Variants in ABR observed in about 807,000 individuals in gnomAD.
ABR encodes the protein ABR activator of RhoGEF and GTPase.
In ABR, 35 loss-of-function variants were observed where a neutral mutation model predicts 107.2. The ratio of observed to expected loss-of-function variants is 0.33; its 90% CI spans 0.25 to 0.43. ABR has a LOEUF of 0.43. Among genes scored for constraint, ABR ranks in the 20% least tolerant of loss-of-function variants. The probability of loss-of-function intolerance (pLI) is 1.00; values close to 1 mark genes in which losing one functional copy is unlikely to be tolerated. For synonymous variants in ABR, 498 were observed against 462.0 expected (o/e 1.08, Z -1.00); for missense variants, 815 against 1,115.2 (o/e 0.73, Z 3.83).
intron 1 of ABR, among the ~76,000 whole-genome samples, chr17:1,171,535 GGA>G (rs1567855523): frequency 6.6e-6 from 1 of 152,306 alleles, no homozygotes; most frequent in Non-Finnish European, 1.5e-5. Flanking sequence ...AAGACTTCCT[GGA>G]GACCCTGCTA....
chr17:1,108,979 G>C (rs1364854602), intron 2 of ABR: 2 of 1,597,772 alleles, frequency 1.3e-6, no homozygotes, highest in Non-Finnish European at 1.7e-6. Context: ...GGCTGGTCGG[G>C]GTTCCCAGCT....
At chr17:1,009,643 G>A (rs2070364714) in intron 21 of ABR, 36 bp downstream of exon 21, 1 of 1,561,110 alleles carries the variant, frequency 6.4e-7, no homozygotes, top group South Asian at 1.1e-5. Flanking sequence ...CATGAGGAGG[G>A]ACTGAGGAGG....
At chr17:1,043,246 C>A (rs1178134144) in intron 16 of ABR, among the ~76,000 whole-genome samples, 1 of 152,180 alleles carries the variant, frequency 6.6e-6, no homozygotes, top group Non-Finnish European at 1.5e-5. Context: ...TGGCTCACTG[C>A]AACCTCTGCC....
At chr17:1,185,490 C>A (rs568514268) in intron 1 of ABR, among the ~76,000 whole-genome samples, 17 of 151,678 alleles carry the variant, frequency 1.1e-4, no homozygotes, top group African/African-American at 3.9e-4. Flanking sequence ...ACTAAAAATA[C>A]AAAAATTAGC....
intron 16 of ABR, among the ~76,000 whole-genome samples, chr17:1,046,596 G>T (rs148389543): frequency 1.3e-5 from 2 of 152,162 alleles, no homozygotes; most frequent in Non-Finnish European, 2.9e-5. Flanking sequence ...CCTGCCCAGA[G>T]GACTCCAAGA....
rs1219241278 is a variant in ABR, at chr17:1,212,077, C to T, written c.838+16716G>A. On this transcript the variant is annotated intron_variant, in intron 1 of 22. Transcript: ENST00000574139. ...AGCCTAGGCGACAAGAGCAAGACCC[C>T]ATCTCGAAAAAAAAAAAAATTACTA... is the stretch of plus-strand genomic sequence containing the variant. 7.3e-5 allele frequency among the ~76,000 whole-genome samples: 3 copies of T among 41,002 alleles called. No individual in the cohort carries two copies. In the Admixed American group the frequency reaches 1.0e-3, roughly 14 times the overall value. 26.9% of individuals were successfully genotyped at this position (41,002 alleles called of 152,430 possible).
chr17:1,056,132 G>C (rs1269625966), intron 13 of ABR, 23 bp from the exon 14 acceptor site: 1 of 1,610,264 alleles, frequency 6.2e-7, no homozygotes, highest in South Asian at 1.1e-5. Context: ...AAAGCCCCCA[G>C]GGCAGAGGGT....
chr17:1,111,213 G>A (rs977888458), intron 2 of ABR, among the ~76,000 whole-genome samples: 9 of 151,936 alleles, frequency 5.9e-5, no homozygotes, highest in East Asian at 3.9e-4. Context: ...CCTCGTCCCC[G>A]TTCCCCACAC....
intron 1 of ABR, among the ~76,000 whole-genome samples, chr17:1,173,682 G>T (rs1024611297): frequency 2.0e-5 from 3 of 152,076 alleles, no homozygotes; most frequent in Non-Finnish European, 4.4e-5. Context: ...GGAGCTCAAG[G>T]AGCCAAGAAC....
intron 16 of ABR, among the ~76,000 whole-genome samples, chr17:1,014,837 C>T (rs981761135): frequency 6.6e-6 from 1 of 152,072 alleles, no homozygotes; most frequent in African/African-American, 2.4e-5. Context: ...CAGAGTGAGA[C>T]TCCGTCTCAA....
At chr17:1,123,644 G>T (rs1432731734) in intron 2 of ABR, among the ~76,000 whole-genome samples, 2 of 152,216 alleles carry the variant, frequency 1.3e-5, no homozygotes, top group African/African-American at 4.8e-5. Flanking sequence ...CCGGGATTCC[G>T]CAGCATCTTC....
chr17:1,028,128 TTG>T (rs1288644218), intron 16 of ABR, among the ~76,000 whole-genome samples: 4 of 152,148 alleles, frequency 2.6e-5, no homozygotes, highest in African/African-American at 9.7e-5. Context: ...TCTCGCTCTG[TTG>T]CCCAGGCTGG....
At chr17:1,085,907 G>A (rs2440032) in intron 4 of ABR, among the ~76,000 whole-genome samples, 9,644 of 152,194 alleles carry the variant, frequency 0.063, 925 homozygotes, top group African/African-American at 0.21. Context: ...AGCACTTTGG[G>A]AGGCCGAGGC....
In ABR at chr17:1,127,515, G is replaced by A. The variant is rs1412008312; in HGVS notation, c.62-2148C>T. ...CTGAGTCTGGGTCCGTGAAGGGCCT[G>A]GCCGTTTGGTGACACCCCCTCACTC... On this transcript the variant is annotated intron_variant, in intron 1 of 22. Transcript: ENST00000302538. Among the ~76,000 whole-genome samples, 3 of 152,272 alleles carry A rather than the reference G, an allele frequency of 2.0e-5. 1 individual carries two copies. Among genetic ancestry groups the A allele is most frequent in the East Asian group, 1.9e-4 (1 of 5,170 alleles).
At chr17:1,206,717 T>C (rs1197960903) in intron 1 of ABR, among the ~76,000 whole-genome samples, 1 of 152,014 alleles carries the variant, frequency 6.6e-6, no homozygotes, top group Non-Finnish European at 1.5e-5. Flanking sequence ...GCAAACCAGC[T>C]CACCAGATAT....
rs144492019 is a variant in ABR, at chr17:1,030,745, G to C, written c.1792-17581C>G. 3.5e-3 allele frequency among the ~76,000 whole-genome samples: 539 copies of C among 152,384 alleles called. 1 individual carries two copies. The highest frequency in any genetic ancestry group is 0.012 in the African/African-American group (515 of 41,592). On this transcript the variant is annotated intron_variant, in intron 16 of 22. Transcript: ENST00000302538. The stretch of plus-strand genomic sequence containing the variant: ...CCTGTGAGCCTCAGGAGGAGCTGCA[G>C]ATCCCCACCACGGACTGGCCAAGGC...
intron 1 of ABR, among the ~76,000 whole-genome samples, chr17:1,209,666 T>C (rs982303905): frequency 6.6e-6 from 1 of 152,210 alleles, no homozygotes; most frequent in Non-Finnish European, 1.5e-5. Context: ...CCTTACTCTC[T>C]GCACCTGCTT....
intron 16 of ABR, among the ~76,000 whole-genome samples, chr17:1,013,696 T>C (rs1413204789): frequency 6.6e-6 from 1 of 152,216 alleles, no homozygotes; most frequent in African/African-American, 2.4e-5. Context: ...TCACTAAGCC[T>C]CAGTTATTCC....
rs11291416 is a variant in ABR at position 1,153,518 on chromosome 17, CG to C, written c.61+26148del. On this transcript the variant is annotated intron_variant, in intron 1 of 22. Coordinates refer to ENST00000302538, the MANE Select transcript of ABR (RefSeq NM_021962.5). Reference sequence around the variant, plus strand: ...AGGGCTGGGGGTCCAGGCACACCTGCGGGGAGGGCTGGGGACCCAGGCACAC... The same window carrying C: ...AGGGCTGGGGGTCCAGGCACACCTGCGGGAGGGCTGGGGACCCAGGCACAC... 5.3e-3 allele frequency among the ~76,000 whole-genome samples: 411 copies of C among 77,432 alleles called. 1 individual carries two copies. Among genetic ancestry groups the C allele is most frequent in the Middle Eastern group, 0.01 (1 of 96 alleles). 50.8% of individuals were successfully genotyped at this position (77,432 alleles called of 152,430 possible). A position where few individuals can be genotyped will look rare whatever the true frequency, so the allele number is the denominator to read the frequency against.
Sources: gnomAD v4.1 joint callset for allele counts (sites outside exome capture counted in the v4.1 genomes callset) on GRCh38, gnomAD v4.1.1 for gene constraint, MANE v1.5 for transcripts, NCBI Gene and HGNC (gene_info 2026-07-23, HGNC 2026-07-21) for gene names.